Variants in AGAP1 observed in about 807,000 individuals in gnomAD.
The protein encoded by AGAP1 is ArfGAP with GTPase domain, ankyrin repeat and PH domain 1.
In AGAP1, 29 loss-of-function variants were observed where a neutral mutation model predicts 105.3. The observed-to-expected ratio is 0.28, with a 90% CI of 0.21 to 0.38. The LOEUF is 0.38. Among genes scored for constraint, AGAP1 ranks in the 10% least tolerant of loss-of-function variants. The pLI, the probability that AGAP1 is intolerant of heterozygous loss-of-function variation, is 1.00. For synonymous variants in AGAP1, 509 were observed against 485.9 expected, an observed-to-expected ratio of 1.05 and a Z score of -0.63; for missense variants, 998 against 1,165.1, an observed-to-expected ratio of 0.86 and a Z score of 2.09.
chr2:235,779,199 T>G (rs1237953325), intron 6 of AGAP1, among the ~76,000 whole-genome samples: 1 of 152,168 alleles, frequency 6.6e-6, no homozygotes. Context: ...GCTAGAAGAC[T>G]CGAGGGAGAA....
rs1347716244 is a variant in AGAP1, at chr2:236,035,474, A to G, written c.1646-1087A>G. ...ACACCATCTCTACAAAAAATGTCTA[A>G]CAATTGGCCAGGTGTGATGGTACAC... On this transcript the variant is annotated intron_variant, in intron 13 of 17. Coordinates refer to ENST00000304032, the MANE Select transcript of AGAP1 (RefSeq NM_001037131.3). This position sits in a 1 kb window ranked among gnomAD's most constrained non-coding sequence, Gnocchi z 4.2. Among the ~76,000 whole-genome samples the G allele has an allele frequency of 6.6e-6, 1 of 152,102 alleles. No homozygotes were observed. The highest frequency in any genetic ancestry group is 1.5e-5 in the Non-Finnish European group (1 of 68,012).
chr2:235,838,932 T>C lies in AGAP1; in HGVS notation c.1050+31601T>C, dbSNP rs1157258075. ...GAAAAATCCAGTGCCTAAGACTTTC[T>C]GGTGAAATGTTGCCGCTCGGGAATT... On this transcript the variant is annotated intron_variant, in intron 9 of 17. Transcript: ENST00000304032. Among the ~76,000 whole-genome samples, 5 of 152,230 alleles carry C rather than the reference T, an allele frequency of 3.3e-5. No individual in the cohort carries two copies. The East Asian group carries it at 7.7e-4, about 23-fold the overall frequency.
Position 235,635,327 on chromosome 2 carries a change from G to A in AGAP1, c.164-73852G>A, listed in dbSNP as rs780627042. On this transcript the variant is annotated intron_variant, in intron 1 of 17. Transcript: ENST00000304032. The surrounding 1 kb of genome is among the most constrained non-coding windows in gnomAD (Gnocchi z 5.3). ...TGAAGCACTCCCGTGAGTGAGCTGC[G>A]CACAGTCTCCTTGTACAAGCAGGAC... Among the ~76,000 whole-genome samples the A allele has an allele frequency of 6.6e-6, 1 of 152,124 alleles. No individual in the cohort carries two copies. The highest frequency in any genetic ancestry group is 1.5e-5 in the Non-Finnish European group (1 of 68,038).
chr2:235,958,444 G>T lies in AGAP1; in HGVS notation c.1484-10018G>T, dbSNP rs553157315. Among the ~76,000 whole-genome samples the T allele has an allele frequency of 2.0e-5, 3 of 151,992 alleles. No homozygotes were observed. Among genetic ancestry groups the T allele is most frequent in the Admixed American group, 6.6e-5 (1 of 15,252 alleles). Reference sequence around the variant, plus strand: ...CCAGCGGACACATTTAGAGACCCTCGGGAGCGCGAGGGATATGAGAATCAC... The same window carrying T: ...CCAGCGGACACATTTAGAGACCCTCTGGAGCGCGAGGGATATGAGAATCAC... On this transcript the variant is annotated intron_variant, in intron 12 of 17. Transcript: ENST00000304032. This position sits in a 1 kb window ranked among gnomAD's most constrained non-coding sequence, Gnocchi z 4.1.
At chr2:235,495,040 G>C (rs1478047821) in intron 1 of AGAP1, among the ~76,000 whole-genome samples, 191 bp downstream of exon 1, 1 of 152,166 alleles carries the variant, frequency 6.6e-6, no homozygotes, top group Non-Finnish European at 1.5e-5. Flanking sequence ...CGCGCCGCGA[G>C]CTCCGCCAGG....
chr2:235,597,948 T>G lies in AGAP1; in HGVS notation c.163+103099T>G, dbSNP rs182455800. On this transcript the variant is annotated intron_variant, in intron 1 of 17. Transcript: ENST00000304032. ...TTTCCTGTGTGGAGCGTGCACGCGCTCCCGTTTCCTTTGTGTGGAGCGTGC... is the reference window on the plus strand; with the variant it reads ...TTTCCTGTGTGGAGCGTGCACGCGCGCCCGTTTCCTTTGTGTGGAGCGTGC... Among the ~76,000 whole-genome samples the G allele has an allele frequency of 2.0e-4, 25 of 124,164 alleles. 1 individual carries two copies. The East Asian group carries it at 5.3e-3, about 27-fold the overall frequency. 81.5% of individuals were successfully genotyped at this position (124,164 alleles called of 152,430 possible).
At chr2:235,984,492 T>TG (rs1311531257) in intron 13 of AGAP1, among the ~76,000 whole-genome samples, 1 of 106,248 alleles carries the variant, frequency 9.4e-6, no homozygotes, top group Non-Finnish European at 2.0e-5. Flanking sequence ...CCTTTATTTC[T>TG]TAAAAAAAAA....
Position 235,633,419 on chromosome 2 carries a change from C to A in AGAP1, c.164-75760C>A, listed in dbSNP as rs536091257. On this transcript the variant is annotated intron_variant, in intron 1 of 17. Coordinates refer to ENST00000304032, the MANE Select transcript of AGAP1 (RefSeq NM_001037131.3). The surrounding 1 kb of genome is among the most constrained non-coding windows in gnomAD (Gnocchi z 4.8). ...GACCAGTCTGGTCAACATGGTGAAA[C>A]CCCATCTCTACTAAAAATACAAAAA... is the stretch of plus-strand genomic sequence containing the variant. Among the ~76,000 whole-genome samples the A allele has an allele frequency of 6.6e-6, 1 of 152,068 alleles. No homozygotes were observed. Among genetic ancestry groups the A allele is most frequent in the African/African-American group, 2.4e-5 (1 of 41,414 alleles).
chr2:235,849,209 T>TACTAAAGACCGCCATCAAG (rs1284216331), intron 9 of AGAP1, among the ~76,000 whole-genome samples: 1 of 152,220 alleles, frequency 6.6e-6, no homozygotes, highest in African/African-American at 2.4e-5. Context: ...TGCCAGTGAA[T>TACTAAAGACCGCCATCAAG]ACTAAAGACC....
In AGAP1 at chr2:235,777,701, C is replaced by T. The variant is rs577721167; in HGVS notation, c.674-20058C>T. ...CCTGCCCAGCACCTTCCTAGAGCAC[C>T]GCCATTGGCATAAGGACTAGGTAGG... On this transcript the variant is annotated intron_variant, in intron 6 of 17. Transcript: ENST00000304032. The surrounding 1 kb of genome is among the most constrained non-coding windows in gnomAD (Gnocchi z 5.1). Among the ~76,000 whole-genome samples, 1 of 152,244 alleles carries T rather than the reference C, an allele frequency of 6.6e-6. No homozygotes were observed. The highest frequency in any genetic ancestry group is 1.9e-4 in the East Asian group (1 of 5,172).
Position 235,761,164 on chromosome 2 carries a change from C to T in AGAP1, c.673+10676C>T, listed in dbSNP as rs148999290. 8.2e-4 allele frequency among the ~76,000 whole-genome samples: 125 copies of T among 152,178 alleles called. 2 individuals carry two copies. The East Asian group carries it at 0.019, about 24-fold the overall frequency. ...TCTTAAGGTTGATGCTGCAAACAAC[C>T]AGAGACAATAAATAAATTGTTATTT... On this transcript the variant is annotated intron_variant, in intron 6 of 17. Transcript: ENST00000304032.
rs1441607529 is a variant in AGAP1 at position 235,721,589 on chromosome 2, G to T, written c.310+3945G>T. On this transcript the variant is annotated intron_variant, in intron 3 of 17. Coordinates refer to ENST00000304032, the MANE Select transcript of AGAP1 (RefSeq NM_001037131.3). The surrounding 1 kb of genome is among the most constrained non-coding windows in gnomAD (Gnocchi z 4.5). ...GCCACACACAGTGTGGCTTAAAACA[G>T]AAATGTATTCTCATAGTTCTCAGAA... Among the ~76,000 whole-genome samples, 3 of 152,180 alleles carry T rather than the reference G, an allele frequency of 2.0e-5. No homozygotes were observed. The highest frequency in any genetic ancestry group is 4.4e-5 in the Non-Finnish European group (3 of 68,036).
At chr2:236,106,566 G>A (rs767242370) in intron 16 of AGAP1, among the ~76,000 whole-genome samples, 1 of 152,218 alleles carries the variant, frequency 6.6e-6, no homozygotes, top group Non-Finnish European at 1.5e-5. Flanking sequence ...GGCTCTGGGG[G>A]CCATGCTGGG....
intron 13 of AGAP1, among the ~76,000 whole-genome samples, chr2:236,007,632 T>C (rs2056366557): frequency 6.6e-6 from 1 of 152,234 alleles, no homozygotes; most frequent in Non-Finnish European, 1.5e-5. Flanking sequence ...TTGAAAAAGA[T>C]TTTGTGTTTA....
chr2:236,090,702 T>C lies in AGAP1; in HGVS notation c.2115-29490T>C, dbSNP rs1263038245. Among the ~76,000 whole-genome samples the C allele has an allele frequency of 6.6e-6, 1 of 152,114 alleles. No homozygotes were observed. Among genetic ancestry groups the C allele is most frequent in the Non-Finnish European group, 1.5e-5 (1 of 68,038 alleles). Reference sequence around the variant, plus strand: ...TGCAAACATAATCCTTCCTTGTTTTTCTTTTGTTGGTGGTGGTTGTGTTTG... The same window carrying C: ...TGCAAACATAATCCTTCCTTGTTTTCCTTTTGTTGGTGGTGGTTGTGTTTG... On this transcript the variant is annotated intron_variant, in intron 16 of 17. Transcript: ENST00000304032. The surrounding 1 kb of genome is among the most constrained non-coding windows in gnomAD (Gnocchi z 4.3).
chr2:235,646,278 A>AG (rs1371781610), intron 1 of AGAP1, among the ~76,000 whole-genome samples: 2 of 151,840 alleles, frequency 1.3e-5, no homozygotes, highest in Admixed American at 1.3e-4. Flanking sequence ...TCCAAAAAAA[A>AG]AAAAAAAAAG....
chr2:236,086,506 C>G (rs1219804890), intron 16 of AGAP1, among the ~76,000 whole-genome samples: 1 of 152,150 alleles, frequency 6.6e-6, no homozygotes, highest in Non-Finnish European at 1.5e-5. Context: ...AGAAATACTG[C>G]CCATTTAAAG....
rs1245895205 is a variant in AGAP1, at chr2:235,610,723, G to C, written c.164-98456G>C. On this transcript the variant is annotated intron_variant, in intron 1 of 17. Coordinates refer to ENST00000304032, the MANE Select transcript of AGAP1 (RefSeq NM_001037131.3). The surrounding 1 kb of genome is among the most constrained non-coding windows in gnomAD (Gnocchi z 4.9). ...GACCCGCCATCCTCAAACGCACTGT[G>C]CTCCCGTGAGCTCCCTGCCCTGGAG... is the stretch of plus-strand genomic sequence containing the variant. 6.6e-6 allele frequency among the ~76,000 whole-genome samples: 1 copy of C among 152,114 alleles called. No individual in the cohort carries two copies. Among genetic ancestry groups the C allele is most frequent in the African/African-American group, 2.4e-5 (1 of 41,430 alleles).
rs529986737 is a variant in AGAP1, at chr2:236,003,663, G to A, written c.1646-32898G>A. Among the ~76,000 whole-genome samples, 29 of 152,278 alleles carry A rather than the reference G, an allele frequency of 1.9e-4. No homozygotes were observed. The South Asian group carries it at 5.6e-3, about 29-fold the overall frequency. On this transcript the variant is annotated intron_variant, in intron 13 of 17. Coordinates refer to ENST00000304032, the MANE Select transcript of AGAP1 (RefSeq NM_001037131.3). The surrounding 1 kb of genome is among the most constrained non-coding windows in gnomAD (Gnocchi z 4.2). ...CTGTTCTTTCTCTGGCTGTGCACCT[G>A]GCAGTGCTGAGAGGAGAGCCTGGTG... is the stretch of plus-strand genomic sequence containing the variant.
Sources: gnomAD v4.1 joint callset for allele counts (sites outside exome capture counted in the v4.1 genomes callset) on GRCh38, gnomAD v4.1.1 for gene constraint, Gnocchi (gnomAD v3.1) non-coding constraint, MANE v1.5 for transcripts, NCBI Gene and HGNC (gene_info 2026-07-23, HGNC 2026-07-21) for gene names.